Variants in THOP1 observed in about 807,000 individuals in gnomAD.
THOP1 encodes the protein thimet oligopeptidase 1, also known as thimet oligopeptidase.
A neutral mutation model predicts 71.8 loss-of-function variants in THOP1; 49 were observed. The ratio of observed to expected loss-of-function variants is 0.68; its 90% CI spans 0.54 to 0.87. The LOEUF is 0.87. Ranked by LOEUF, THOP1 falls within the 40% of genes least tolerant of loss-of-function variation. The probability of loss-of-function intolerance (pLI) is 0.00; values close to 1 mark genes in which losing one functional copy is unlikely to be tolerated. For synonymous variants in THOP1, 426 were observed against 421.5 expected (o/e 1.01, Z -0.13); for missense variants, 843 against 975.6 (o/e 0.86, Z 1.81).
intron 8 of THOP1, 111 bp downstream of exon 8, chr19:2,807,919 G>A (rs752050958): frequency 5.0e-5 from 63 of 1,271,282 alleles, no homozygotes; most frequent in South Asian, 6.5e-5. Context: ...ATGGGGCCTC[G>A]GGGATGAACC....
intron 2 of THOP1, among the ~76,000 whole-genome samples, chr19:2,794,325 C>G (rs542062644): frequency 6.6e-6 from 1 of 152,222 alleles, no homozygotes; most frequent in East Asian, 1.9e-4. Flanking sequence ...AAAGCTTATG[C>G]TTTTCTAGCC....
At position 2,785,627 on chromosome 19, in the gene THOP1, A is replaced by G. The variant is rs765737168; in HGVS notation, c.-36A>G. ...GGTGGCTGGACGCGTAGCAGGTGGA[A>G]GGAGGGAGGGAGCCGCAGGCGCAGA... On this transcript the variant is annotated 5_prime_UTR_variant, in exon 1 of 13. Coordinates refer to ENST00000307741, the MANE Select transcript of THOP1 (RefSeq NM_003249.5). The G allele has an allele frequency of 2.0e-6, 3 of 1,506,800 alleles. No individual in the cohort carries two copies. The highest frequency in any genetic ancestry group is 2.5e-5 in the South Asian group (2 of 79,250). 93.3% of individuals were successfully genotyped at this position (1,506,800 alleles called of 1,614,324 possible).
In THOP1 at chr19:2,808,361, G is replaced by A. The variant is rs763005932; in HGVS notation, c.1372G>A (p.Asp458Asn). 1.6e-5 allele frequency: 25 copies of A among 1,610,258 alleles called. No homozygotes were observed. Among genetic ancestry groups the A allele is most frequent in the Admixed American group, 5.0e-5 (3 of 59,744 alleles). Residue 458 changes from aspartate (D) to asparagine (N), a missense_variant, in exon 9 of 13, where the codon GAC becomes AAC. By Grantham distance (23) the Asp-to-Asn change is conservative. Transcript: ENST00000307741. ...MVANFTKPTADAPSLLQHDEV... is the reference protein window; with the variant it reads ...MVANFTKPTANAPSLLQHDEV... ...GGCCAACTTCACCAAGCCCACAGCCGACGCGCCCTCGCTGCTGCAGCATGA... is the reference window on the plus strand; with the variant it reads ...GGCCAACTTCACCAAGCCCACAGCCAACGCGCCCTCGCTGCTGCAGCATGA...
At chr19:2,802,985 G>A (rs1207347167) in intron 5 of THOP1, among the ~76,000 whole-genome samples, 1 of 152,244 alleles carries the variant, frequency 6.6e-6, no homozygotes, top group African/African-American at 2.4e-5. Context: ...TCTTACTGTG[G>A]GGCACATGGT....
Position 2,813,384 on chromosome 19 carries a change from G to C in THOP1, c.*108G>C, listed in dbSNP as rs1391144648. 3.0e-6 allele frequency: 4 copies of C among 1,333,164 alleles called. No homozygotes were observed. In the African/African-American group the frequency reaches 4.4e-5, roughly 15 times the overall value. The allele number at this position is 1,333,164 out of a possible 1,614,324, so 82.6% of individuals were successfully genotyped here. A position where few individuals can be genotyped will look rare whatever the true frequency, so the allele number is the denominator to read the frequency against. On this transcript the variant is annotated 3_prime_UTR_variant, in exon 13 of 13. Transcript: ENST00000307741. The stretch of plus-strand genomic sequence containing the variant: ...CTGGCACAGTGCCTGGGACTGGCAG[G>C]GTGGCTGAGCGGCTGTCTTGCCTCT...
rs369279657 is a variant in THOP1, at chr19:2,801,156, C to T, written c.589+1365C>T. On this transcript the variant is annotated intron_variant, in intron 5 of 12. Transcript: ENST00000307741. This position sits in a 1 kb window ranked among gnomAD's most constrained non-coding sequence, Gnocchi z 5.1. Reference sequence around the variant, plus strand: ...GGGAGGTCTGGAAGGTCCTTGGGCACGCACAGTTATCTGTCCGTGCCAGCT... The same window carrying T: ...GGGAGGTCTGGAAGGTCCTTGGGCATGCACAGTTATCTGTCCGTGCCAGCT... Among the ~76,000 whole-genome samples the T allele has an allele frequency of 3.9e-5, 6 of 152,108 alleles. No homozygotes were observed. Among genetic ancestry groups the T allele is most frequent in the East Asian group, 3.9e-4 (2 of 5,192 alleles).
intron 2 of THOP1, among the ~76,000 whole-genome samples, chr19:2,793,213 G>T (rs2144760821): frequency 6.6e-6 from 1 of 152,180 alleles, no homozygotes; most frequent in African/African-American, 2.4e-5. Flanking sequence ...CACTTCAGTG[G>T]TTTTTAATAA....
intron 4 of THOP1, among the ~76,000 whole-genome samples, chr19:2,796,575 C>T (rs1196222830): frequency 7.2e-6 from 1 of 139,420 alleles, no homozygotes; most frequent in Non-Finnish European, 1.6e-5. Context: ...GGGGAGTGCT[C>T]AGTCTGGGGA....
Position 2,810,285 on chromosome 19 carries a change from C to T in THOP1, c.1456-19C>T, listed in dbSNP as rs777063283. The T allele has an allele frequency of 1.2e-6, 2 of 1,607,626 alleles. No homozygotes were observed. The highest frequency in any genetic ancestry group is 1.7e-6 in the Non-Finnish European group (2 of 1,178,790). The stretch of plus-strand genomic sequence containing the variant: ...TAGGCAGGACCTGGGCACTCTGAGG[C>T]TCTGCCCCATCCCTGCAGGCGGAGT... On this transcript the variant is annotated intron_variant, in intron 9 of 12. Coordinates refer to ENST00000307741, the MANE Select transcript of THOP1 (RefSeq NM_003249.5).
At chr19:2,797,705 C>T (rs1736181) in intron 4 of THOP1, among the ~76,000 whole-genome samples, 62,652 of 152,124 alleles carry the variant, frequency 0.41, 14,345 homozygotes, top group East Asian at 0.65. Flanking sequence ...TCACAACTCA[C>T]GATGGGATTA....
intron 7 of THOP1, 84 bp from the exon 8 acceptor site, chr19:2,807,358 C>T (rs770711830): frequency 6.3e-5 from 92 of 1,467,944 alleles, no homozygotes; most frequent in African/African-American, 2.7e-4. Context: ...GGGAGCCTGA[C>T]GAAGTCGCGG....
In THOP1 at chr19:2,790,506, G is replaced by A. The variant is rs369707953; in HGVS notation, c.102G>A (p.Glu34=). 6.2e-7 allele frequency: 1 copy of A among 1,607,152 alleles called. No homozygotes were observed. Among genetic ancestry groups the A allele is most frequent in the African/African-American group, 1.3e-5 (1 of 74,642 alleles). ...GGGACCTGAGTGCCCAGCAGATAGA[G>A]GAGCGCACCAGGGAGCTCATCGAGC... is the stretch of plus-strand genomic sequence containing the variant. ...LRWDLSAQQI[E]ERTRELIEQT... The change falls in exon 2 of 13, where the codon GAG becomes GAA. Residue 34 remains glutamate (E), a synonymous_variant. Transcript: ENST00000307741.
At chr19:2,808,619 T>C (rs954235471) in intron 9 of THOP1, among the ~76,000 whole-genome samples, 175 bp downstream of exon 9, 4 of 152,220 alleles carry the variant, frequency 2.6e-5, no homozygotes, top group African/African-American at 9.6e-5. Flanking sequence ...GTCCTGGGGC[T>C]GCCCCAGCAA....
chr19:2,799,123 C>T (rs553608779), intron 4 of THOP1, among the ~76,000 whole-genome samples: 1 of 152,258 alleles, frequency 6.6e-6, no homozygotes, highest in African/African-American at 2.4e-5. Context: ...CCCAGGAGTT[C>T]GAAACCAGCC....
intron 1 of THOP1, chr19:2,786,907 G>C (rs1915757192): frequency 6.6e-6 from 1 of 151,942 alleles, no homozygotes; most frequent in Non-Finnish European, 1.5e-5. Context: ...GGGACTACAG[G>C]CGCCTGCCAC....
At chr19:2,787,959 C>T (rs540261730) in intron 1 of THOP1, among the ~76,000 whole-genome samples, 1 of 152,318 alleles carries the variant, frequency 6.6e-6, no homozygotes, top group African/African-American at 2.4e-5. Context: ...GGAGTGCTGC[C>T]TCAGCCTCCC....
In THOP1 at chr19:2,814,237, T is replaced by C. The variant is rs1916558075; in HGVS notation, c.*961T>C. The C allele has an allele frequency of 6.6e-6, 1 of 152,454 alleles. No individual in the cohort carries two copies. The highest frequency in any genetic ancestry group is 2.1e-4 in the South Asian group (1 of 4,834). The allele number at this position is 152,454 out of a possible 1,614,324, so 9.4% of individuals were successfully genotyped here. A position where few individuals can be genotyped will look rare whatever the true frequency, so the allele number is the denominator to read the frequency against. ...TGGACCCTCCAACAGTGCTCAGAGATGCCTCAGGGATAGCTGTCGGCTGTG... is the reference window on the plus strand; with the variant it reads ...TGGACCCTCCAACAGTGCTCAGAGACGCCTCAGGGATAGCTGTCGGCTGTG... On this transcript the variant is annotated 3_prime_UTR_variant, in exon 13 of 13. Transcript: ENST00000307741.
chr19:2,800,861 G>A (rs547735338), intron 5 of THOP1, among the ~76,000 whole-genome samples: 6 of 151,752 alleles, frequency 4.0e-5, no homozygotes, highest in Non-Finnish European at 4.4e-5. Flanking sequence ...CACCCGCACC[G>A]TCCCCGCGGC....
chr19:2,810,641 C>T lies in THOP1; in HGVS notation c.1644C>T (p.Gly548=). The T allele has an allele frequency of 6.4e-7, 1 of 1,552,162 alleles. No individual in the cohort carries two copies. Among genetic ancestry groups the T allele is most frequent in the Non-Finnish European group, 8.7e-7 (1 of 1,148,044 alleles). ...KLIESRQANT[G]LFNLRQIVLA... is the part of the protein sequence containing the mutation. ...GCTCTCTCCTTCCCTCCCGCCCAGGCCTCTTCAACCTGCGCCAGATCGTCC... is the reference window on the plus strand; with the variant it reads ...GCTCTCTCCTTCCCTCCCGCCCAGGTCTCTTCAACCTGCGCCAGATCGTCC... Residue 548 remains glycine, a splice_region_variant and synonymous_variant, in exon 11 of 13, where the codon GGC becomes GGT. Transcript: ENST00000307741.
Sources: gnomAD v4.1 joint callset for allele counts (sites outside exome capture counted in the v4.1 genomes callset) on GRCh38, gnomAD v4.1.1 for gene constraint, Gnocchi (gnomAD v3.1) non-coding constraint, MANE v1.5 for transcripts, NCBI Gene and HGNC (gene_info 2026-07-23, HGNC 2026-07-21) for gene names.